The following DERA variants were observed in gnomAD, a reference collection of about 807,000 sequenced individuals.
The protein encoded by DERA is deoxyribose-phosphate aldolase.
DERA carries 15 observed loss-of-function variants against 41.1 expected under a neutral mutation model. The ratio of observed to expected loss-of-function variants is 0.37; its 90% confidence interval spans 0.24 to 0.56. DERA has a LOEUF of 0.56. DERA is among the 20% of genes least tolerant of loss of function. The pLI is 0.81. For synonymous variants in DERA, 139 were observed against 137.4 expected (o/e 1.01, Z -0.08); for missense variants, 396 against 403.4 (o/e 0.98, Z 0.16).
intron 1 of DERA, among the ~76,000 whole-genome samples, chr12:15,956,069 C>T (rs2136145944): frequency 6.6e-6 from 1 of 152,342 alleles, no homozygotes; most frequent in East Asian, 1.9e-4. Flanking sequence ...GGATGTTAGA[C>T]ACCCAAAGAT....
intron 1 of DERA, among the ~76,000 whole-genome samples, chr12:15,951,966 A>G (rs1034145684): frequency 6.6e-6 from 1 of 151,662 alleles, no homozygotes; most frequent in African/African-American, 2.4e-5. Flanking sequence ...CAGTGGCGCA[A>G]TCTCAGCTCA....
Position 16,036,502 on chromosome 12 carries a change from T to C in DERA, c.900+121T>C. ...TGATTGACCTCATCCTACCCAATCC[T>C]CTACCTTTTCTTCCAAGCAAACCGC... On this transcript the variant is annotated intron_variant, in intron 8 of 8. Coordinates refer to ENST00000428559, the MANE Select transcript of DERA (RefSeq NM_015954.4). The surrounding 1 kb of genome is among the most constrained non-coding windows in gnomAD (Gnocchi z 4.9). 1 of 1,231,074 alleles carries C rather than the reference T, an allele frequency of 8.1e-7. No homozygotes were observed. The allele number at this position is 1,231,074 out of a possible 1,614,324, so 76.3% of individuals were successfully genotyped here. A position where few individuals can be genotyped will look rare whatever the true frequency, so the allele number is the denominator to read the frequency against.
In DERA at chr12:16,035,154, A is replaced by G. The variant is rs1263104941; in HGVS notation, c.751-1078A>G. 6.6e-6 allele frequency among the ~76,000 whole-genome samples: 1 copy of G among 152,198 alleles called. No individual in the cohort carries two copies. Among genetic ancestry groups the G allele is most frequent in the South Asian group, 2.1e-4 (1 of 4,824 alleles). ...GTGGAAAGAGTGCATGTGAGGGGGTAAGGAAGGTAAGGAGGTAGAATTGTC... is the reference window on the plus strand; with the variant it reads ...GTGGAAAGAGTGCATGTGAGGGGGTGAGGAAGGTAAGGAGGTAGAATTGTC... On this transcript the variant is annotated intron_variant, in intron 7 of 8. Transcript: ENST00000428559. This position sits in a 1 kb window ranked among gnomAD's most constrained non-coding sequence, Gnocchi z 4.1.
chr12:15,980,175 T>G (rs1565603739), intron 5 of DERA, among the ~76,000 whole-genome samples: 1 of 152,236 alleles, frequency 6.6e-6, no homozygotes, highest in East Asian at 1.9e-4. Context: ...TCAGGCAGTA[T>G]GCAAAGTACT....
intron 1 of DERA, among the ~76,000 whole-genome samples, chr12:15,950,462 T>C (rs898485979): frequency 7.2e-5 from 11 of 152,206 alleles, no homozygotes; most frequent in African/African-American, 2.7e-4. Flanking sequence ...CAACCTGTTT[T>C]ATCAGCAAGG....
At chr12:15,987,601 G>A (rs1479723668) in intron 6 of DERA, among the ~76,000 whole-genome samples, 1 of 152,046 alleles carries the variant, frequency 6.6e-6, no homozygotes, top group African/African-American at 2.4e-5. Flanking sequence ...CGGACCCCAA[G>A]TACATGAGTG....
intron 6 of DERA, among the ~76,000 whole-genome samples, chr12:16,024,359 A>G (rs888332218): frequency 6.6e-6 from 1 of 152,242 alleles, no homozygotes; most frequent in East Asian, 1.9e-4. Flanking sequence ...TATTATAGTC[A>G]AATTGAAGAA....
Position 15,935,024 on chromosome 12 carries a change from T to A in DERA, c.32-21912T>A, listed in dbSNP as rs1451115824. On this transcript the variant is annotated intron_variant, in intron 1 of 8. Coordinates refer to ENST00000428559, the MANE Select transcript of DERA (RefSeq NM_015954.4). This position sits in a 1 kb window ranked among gnomAD's most constrained non-coding sequence, Gnocchi z 4.8. ...TCATTGGTTGACACCACTTTTTTTATAGCAAATATTTCCAGAGCTAACAAA... is the reference window on the plus strand; with the variant it reads ...TCATTGGTTGACACCACTTTTTTTAAAGCAAATATTTCCAGAGCTAACAAA... 6.6e-6 allele frequency among the ~76,000 whole-genome samples: 1 copy of A among 152,218 alleles called. No individual in the cohort carries two copies. Among genetic ancestry groups the A allele is most frequent in the Non-Finnish European group, 1.5e-5 (1 of 68,040 alleles).
chr12:15,922,941 G>C lies in DERA; in HGVS notation c.31+11527G>C, dbSNP rs1948254742. ...TGCATGTGTGGGGCAAAGCTTGTGT[G>C]GGAAATCTCTGTACCTTCTGTTCAG... is the stretch of plus-strand genomic sequence containing the variant. On this transcript the variant is annotated intron_variant, in intron 1 of 8. Transcript: ENST00000428559. This position sits in a 1 kb window ranked among gnomAD's most constrained non-coding sequence, Gnocchi z 4.9. Among the ~76,000 whole-genome samples the C allele has an allele frequency of 6.6e-6, 1 of 152,024 alleles. No homozygotes were observed. Among genetic ancestry groups the C allele is most frequent in the South Asian group, 2.1e-4 (1 of 4,820 alleles).
rs10846250 is a variant in DERA at position 15,928,041 on chromosome 12, G to T, written c.31+16627G>T. Among the ~76,000 whole-genome samples the T allele has an allele frequency of 0.28, 42,348 of 152,030 alleles. 6,112 individuals carry two copies. Among genetic ancestry groups the T allele is most frequent in the Admixed American group, 0.36 (5,562 of 15,272 alleles). ...TTGGAAAATAATAATTATCTATTTAGGGGATACAATGTAATATTTTGATAC... is the reference window on the plus strand; with the variant it reads ...TTGGAAAATAATAATTATCTATTTATGGGATACAATGTAATATTTTGATAC... On this transcript the variant is annotated intron_variant, in intron 1 of 8. Transcript: ENST00000428559. This position sits in a 1 kb window ranked among gnomAD's most constrained non-coding sequence, Gnocchi z 4.6.
intron 6 of DERA, among the ~76,000 whole-genome samples, chr12:16,025,045 C>T (rs1949043991): frequency 6.6e-6 from 1 of 151,672 alleles, no homozygotes; most frequent in Non-Finnish European, 1.5e-5. Flanking sequence ...AACTCTAGGG[C>T]AGTCACTAAA....
chr12:15,923,378 T>C (rs1307652666), intron 1 of DERA, among the ~76,000 whole-genome samples: 1 of 152,192 alleles, frequency 6.6e-6, no homozygotes, highest in Admixed American at 6.5e-5. Flanking sequence ...GGTTCTGAAC[T>C]TCATTGAGTC....
At chr12:15,919,943 T>G (rs551700478) in intron 1 of DERA, among the ~76,000 whole-genome samples, 1 of 151,848 alleles carries the variant, frequency 6.6e-6, no homozygotes, top group South Asian at 2.1e-4. Flanking sequence ...GTCCGCCTAA[T>G]GGACTGCCCC....
Position 15,921,182 on chromosome 12 carries a change from G to A in DERA, c.31+9768G>A, listed in dbSNP as rs904798778. 6.6e-6 allele frequency among the ~76,000 whole-genome samples: 1 copy of A among 152,332 alleles called. No homozygotes were observed. ...AGAAATGTGTTAAAGTGAATGTGAA[G>A]GCATGTTGGAAACATCGGGGTGACG... On this transcript the variant is annotated intron_variant, in intron 1 of 8. Transcript: ENST00000428559. The surrounding 1 kb of genome is among the most constrained non-coding windows in gnomAD (Gnocchi z 5.3).
rs1398272394 is a variant in DERA, at chr12:15,984,837, CT to C, written c.637+2403del. The stretch of plus-strand genomic sequence containing the variant: ...TAGAATTGAAGTATTCTTTGATGAA[CT>C]TGAAATATTTTGAAATATTTTTTAT... On this transcript the variant is annotated intron_variant, in intron 6 of 8. Coordinates refer to ENST00000428559, the MANE Select transcript of DERA (RefSeq NM_015954.4). This position sits in a 1 kb window ranked among gnomAD's most constrained non-coding sequence, Gnocchi z 4.5. Among the ~76,000 whole-genome samples, 3 of 152,180 alleles carry C rather than the reference CT, an allele frequency of 2.0e-5. No individual in the cohort carries two copies. Among genetic ancestry groups the C allele is most frequent in the Non-Finnish European group, 4.4e-5 (3 of 68,038 alleles).
chr12:16,006,134 G>A (rs1264847035), intron 6 of DERA, among the ~76,000 whole-genome samples: 1 of 152,154 alleles, frequency 6.6e-6, no homozygotes, highest in Middle Eastern at 3.2e-3. Context: ...AACTAGATGT[G>A]GACTTTGTGA....
rs1948926452 is a variant in DERA at position 16,008,326 on chromosome 12, T to C, written c.638-24216T>C. Among the ~76,000 whole-genome samples, 1 of 152,224 alleles carries C rather than the reference T, an allele frequency of 6.6e-6. No individual in the cohort carries two copies. Among genetic ancestry groups the C allele is most frequent in the East Asian group, 1.9e-4 (1 of 5,198 alleles). On this transcript the variant is annotated intron_variant, in intron 6 of 8. Coordinates refer to ENST00000428559, the MANE Select transcript of DERA (RefSeq NM_015954.4). The surrounding 1 kb of genome is among the most constrained non-coding windows in gnomAD (Gnocchi z 4.8). ...TTTCCTAATAGCTTTCTCAAATCTC[T>C]CCTGCCTTGGTCCTTTCCTTCCACA...
rs1948811760 is a variant in DERA, at chr12:15,992,955, G to A, written c.637+10519G>A. On this transcript the variant is annotated intron_variant, in intron 6 of 8. Transcript: ENST00000428559. This position sits in a 1 kb window ranked among gnomAD's most constrained non-coding sequence, Gnocchi z 4.3. ...ATCATAATGTCATCAGGTTTGAATT[G>A]CCGATGAAGATCTGTGGGAAGAGTA... Among the ~76,000 whole-genome samples, 1 of 152,286 alleles carries A rather than the reference G, an allele frequency of 6.6e-6. No homozygotes were observed. The highest frequency in any genetic ancestry group is 6.5e-5 in the Admixed American group (1 of 15,304).
At position 15,931,242 on chromosome 12, in the gene DERA, G is replaced by C. The variant is rs774954077; in HGVS notation, c.31+19828G>C. Among the ~76,000 whole-genome samples the C allele has an allele frequency of 7.2e-5, 11 of 152,104 alleles. No individual in the cohort carries two copies. Among genetic ancestry groups the C allele is most frequent in the Non-Finnish European group, 1.5e-4 (10 of 67,998 alleles). On this transcript the variant is annotated intron_variant, in intron 1 of 8. Transcript: ENST00000428559. The surrounding 1 kb of genome is among the most constrained non-coding windows in gnomAD (Gnocchi z 4.6). ...GAATAACATTTTCAGTTGACCGATA[G>C]TATAAATTCAATAAGTAACAGAGCA...
Sources: gnomAD v4.1 joint callset for allele counts (sites outside exome capture counted in the v4.1 genomes callset) on GRCh38, gnomAD v4.1.1 for gene constraint, Gnocchi (gnomAD v3.1) non-coding constraint, MANE v1.5 for transcripts, NCBI Gene and HGNC (gene_info 2026-07-23, HGNC 2026-07-21) for gene names.